Variants in PKNOX2 observed in about 807,000 individuals in gnomAD.
PKNOX2 encodes homeobox protein PKNOX2.
PKNOX2 carries 14 observed loss-of-function variants against 53.1 expected under a neutral mutation model. That is an observed-to-expected ratio of 0.26 (90% CI 0.17 to 0.41). PKNOX2 has a LOEUF of 0.41. PKNOX2 is among the 10% of genes least tolerant of loss of function. PKNOX2 has a pLI of 1.00. For missense variants in PKNOX2, 496 were observed against 602.8 expected (o/e 0.82, Z 1.85); for synonymous variants, 257 against 242.8 (o/e 1.06, Z -0.54).
rs188042046 is a variant in PKNOX2 at position 125,282,427 on chromosome 11, G to A, written c.-130+47312G>A. Among the ~76,000 whole-genome samples, 351 of 152,258 alleles carry A rather than the reference G, an allele frequency of 2.3e-3. 1 individual carries two copies. The highest frequency in any genetic ancestry group is 9.1e-3 in the South Asian group (44 of 4,824). On this transcript the variant is annotated intron_variant, in intron 2 of 12. Coordinates refer to ENST00000298282, the MANE Select transcript of PKNOX2 (RefSeq NM_001382323.2). ...CAATCTGTGGTGTCATGATTATATCGAGACCAGTGGGTGGCAGGCATCTGA... is the reference window on the plus strand; with the variant it reads ...CAATCTGTGGTGTCATGATTATATCAAGACCAGTGGGTGGCAGGCATCTGA...
intron 6 of PKNOX2, among the ~76,000 whole-genome samples, chr11:125,390,180 G>A (rs545634005): frequency 2.4e-4 from 36 of 152,300 alleles, no homozygotes; most frequent in Admixed American, 3.9e-4. Flanking sequence ...GCCGGGTACC[G>A]TTCCAACTGT....
rs114868050 is a variant in PKNOX2 at position 125,323,725 on chromosome 11, G to A, written c.-129-8094G>A. ...AAAAGTCAGAGAGAGGCTTCCGACT[G>A]TTTTGCAAGTGGGTGTGAGCCTAGG... On this transcript the variant is annotated intron_variant, in intron 2 of 12. Coordinates refer to ENST00000298282, the MANE Select transcript of PKNOX2 (RefSeq NM_001382323.2). 4.3e-3 allele frequency among the ~76,000 whole-genome samples: 654 copies of A among 152,314 alleles called. 4 individuals carry two copies. The highest frequency in any genetic ancestry group is 0.015 in the African/African-American group (615 of 41,564).
rs1197638729 is a variant in PKNOX2, at chr11:125,350,884, C to G, written c.-22-400C>G. Among the ~76,000 whole-genome samples, 3 of 152,196 alleles carry G rather than the reference C, an allele frequency of 2.0e-5. No homozygotes were observed. The East Asian group carries it at 5.8e-4, about 30-fold the overall frequency. Reference sequence around the variant, plus strand: ...TGGGAAACAGCGGGGCCAGGAGCACCCTTATCAGGCTGGAACTCAGGGTCC... The same window carrying G: ...TGGGAAACAGCGGGGCCAGGAGCACGCTTATCAGGCTGGAACTCAGGGTCC... On this transcript the variant is annotated intron_variant, in intron 3 of 12. Transcript: ENST00000298282.
At chr11:125,390,132 G>T (rs556970156) in intron 6 of PKNOX2, among the ~76,000 whole-genome samples, 2 of 152,320 alleles carry the variant, frequency 1.3e-5, no homozygotes, top group East Asian at 3.9e-4. Flanking sequence ...AATCCTCAAC[G>T]CTAGTAATAA....
At chr11:125,179,762 A>G (rs1475996622) in intron 1 of PKNOX2, among the ~76,000 whole-genome samples, 1 of 152,186 alleles carries the variant, frequency 6.6e-6, no homozygotes, top group Non-Finnish European at 1.5e-5. Context: ...AGATGTTTCT[A>G]AGCCTCAGTT....
At chr11:125,195,279 C>T (rs984441491) in intron 1 of PKNOX2, among the ~76,000 whole-genome samples, 11 of 152,348 alleles carry the variant, frequency 7.2e-5, no homozygotes, top group African/African-American at 2.2e-4. Context: ...TTCAAAGCAT[C>T]TGGTCTTTCT....
intron 5 of PKNOX2, among the ~76,000 whole-genome samples, chr11:125,383,843 G>A (rs956728355): frequency 6.6e-6 from 1 of 152,136 alleles, no homozygotes; most frequent in East Asian, 1.9e-4. Flanking sequence ...GCACAGCACT[G>A]GCTAGACCAT....
At chr11:125,359,022 G>A (rs959715266) in intron 4 of PKNOX2, among the ~76,000 whole-genome samples, 10 of 151,504 alleles carry the variant, frequency 6.6e-5, no homozygotes, top group African/African-American at 2.4e-4. Flanking sequence ...GCTGCAGCTG[G>A]GTGGGAGGCA....
At chr11:125,299,306 A>T (rs1488476090) in intron 2 of PKNOX2, among the ~76,000 whole-genome samples, 1 of 152,164 alleles carries the variant, frequency 6.6e-6, no homozygotes, top group East Asian at 1.9e-4. Flanking sequence ...ACATTTCAGC[A>T]TGAGATTTGG....
chr11:125,201,282 C>T (rs1938405189), intron 1 of PKNOX2, among the ~76,000 whole-genome samples: 1 of 152,088 alleles, frequency 6.6e-6, no homozygotes, highest in Non-Finnish European at 1.5e-5. Context: ...TGAGTGAAGC[C>T]CCCTCACTGC....
intron 2 of PKNOX2, among the ~76,000 whole-genome samples, chr11:125,262,219 T>TG (rs1029874085): frequency 8.6e-5 from 13 of 151,352 alleles, no homozygotes; most frequent in Admixed American, 2.0e-4. Context: ...GAGGCGGCGG[T>TG]GGGGGGGTGG....
intron 10 of PKNOX2, among the ~76,000 whole-genome samples, chr11:125,424,525 A>G (rs1016019312): frequency 6.6e-6 from 1 of 152,016 alleles, no homozygotes; most frequent in African/African-American, 2.4e-5. Context: ...GCAGCAGCCC[A>G]TGGCCCCACA....
intron 1 of PKNOX2, among the ~76,000 whole-genome samples, chr11:125,202,075 C>G (rs1251044076): frequency 6.6e-6 from 1 of 152,238 alleles, no homozygotes; most frequent in Non-Finnish European, 1.5e-5. Flanking sequence ...CTGGGACTCC[C>G]AACAAGACGG....
At chr11:125,312,507 G>A (rs1358905000) in intron 2 of PKNOX2, among the ~76,000 whole-genome samples, 1 of 152,222 alleles carries the variant, frequency 6.6e-6, no homozygotes, top group Non-Finnish European at 1.5e-5. Context: ...GACAGGCTGT[G>A]AGGTGAATCA....
At chr11:125,250,881 G>A (rs376167356) in intron 2 of PKNOX2, among the ~76,000 whole-genome samples, 15 of 152,352 alleles carry the variant, frequency 9.8e-5, no homozygotes, top group African/African-American at 3.1e-4. Context: ...ACTGGAGATC[G>A]GCAGGGCAGA....
At chr11:125,316,800 G>C (rs1565495507) in intron 2 of PKNOX2, among the ~76,000 whole-genome samples, 1 of 152,182 alleles carries the variant, frequency 6.6e-6, no homozygotes. Flanking sequence ...TAGGAGTTTA[G>C]TTGCTGAAGG....
At position 125,267,239 on chromosome 11, in the gene PKNOX2, T is replaced by TC. The variant is rs1406384716; in HGVS notation, c.-130+32126dup. Among the ~76,000 whole-genome samples, 195 of 152,278 alleles carry TC rather than the reference T, an allele frequency of 1.3e-3. 1 individual carries two copies. Among genetic ancestry groups the TC allele is most frequent in the Non-Finnish European group, 7.2e-4 (49 of 68,030 alleles). Reference sequence around the variant, plus strand: ...AGCTGGAACGACAGTTCTACCAAACTCCTCCCCTTGTGCTCATGTGTGTGT... The same window carrying TC: ...AGCTGGAACGACAGTTCTACCAAACTCCCTCCCCTTGTGCTCATGTGTGTGT... On this transcript the variant is annotated intron_variant, in intron 2 of 12. Transcript: ENST00000298282.
At position 125,334,125 on chromosome 11, in the gene PKNOX2, G is replaced by A. The variant is rs542445624; in HGVS notation, c.-23+2200G>A. 5.3e-5 allele frequency among the ~76,000 whole-genome samples: 8 copies of A among 152,236 alleles called. No individual in the cohort carries two copies. The South Asian group carries it at 1.5e-3, about 28-fold the overall frequency. On this transcript the variant is annotated intron_variant, in intron 3 of 12. Coordinates refer to ENST00000298282, the MANE Select transcript of PKNOX2 (RefSeq NM_001382323.2). ...TGAGGTTGGTACAGGACAGATTCGG[G>A]ACTGAAACCTTGGAAATCAAGAGTT...
chr11:125,258,258 CCT>C (rs932175100), intron 2 of PKNOX2, among the ~76,000 whole-genome samples: 2 of 152,106 alleles, frequency 1.3e-5, no homozygotes, highest in Non-Finnish European at 2.9e-5. Context: ...ACTTTTTCCC[CCT>C]CTTTCCCATT....
Sources: allele counts gnomAD v4.1 joint callset (sites outside exome capture counted in the v4.1 genomes callset), GRCh38; gene constraint gnomAD v4.1.1; transcripts MANE v1.5; gene names NCBI Gene and HGNC (gene_info 2026-07-23, HGNC 2026-07-21).